Variants in DYM observed in about 807,000 individuals in gnomAD.
DYM encodes the protein dyggve-Melchior-Clausen syndrome protein.
A neutral mutation model predicts 93.1 loss-of-function variants in DYM; 78 were observed. The observed-to-expected ratio is 0.84, with a 90% CI of 0.70 to 1.01. DYM has a LOEUF of 1.01. DYM is among the 50% of genes least tolerant of loss of function. The pLI is 0.00. For missense variants in DYM, 789 were observed against 845.0 expected, an observed-to-expected ratio of 0.93 and a Z score of 0.82; for synonymous variants, 321 against 319.7, an observed-to-expected ratio of 1.00 and a Z score of -0.04.
intron 17 of DYM, among the ~76,000 whole-genome samples, chr18:49,063,643 T>C (rs1599457192): frequency 6.8e-6 from 1 of 147,200 alleles, no homozygotes; most frequent in South Asian, 2.2e-4. Flanking sequence ...TTTTTTTTTT[T>C]TAGACAGAGT....
At chr18:49,457,766 G>A (rs767750670) in intron 1 of DYM, among the ~76,000 whole-genome samples, 32 of 152,188 alleles carry the variant, frequency 2.1e-4, no homozygotes, top group African/African-American at 4.8e-4. Flanking sequence ...TAAGAACCTC[G>A]AGGGGGGATT....
intron 15 of DYM, chr18:49,126,171 A>G (rs2082802017): frequency 6.6e-6 from 1 of 152,226 alleles, no homozygotes; most frequent in Non-Finnish European, 1.5e-5. Context: ...GGGAACAGCC[A>G]GAATTCCTAC....
chr18:49,287,623 G>T (rs1012036438), intron 8 of DYM, among the ~76,000 whole-genome samples: 1 of 151,710 alleles, frequency 6.6e-6, no homozygotes, highest in Non-Finnish European at 1.5e-5. Flanking sequence ...GGTGGCTCAC[G>T]CCTGTAATCC....
chr18:49,317,229 A>G (rs965602547), intron 8 of DYM, among the ~76,000 whole-genome samples: 5 of 152,208 alleles, frequency 3.3e-5, no homozygotes, highest in African/African-American at 9.7e-5. Flanking sequence ...AAGTCTATTA[A>G]TTTTTAAAGT....
At chr18:49,092,669 C>T (rs1190468312) in intron 17 of DYM, among the ~76,000 whole-genome samples, 1 of 152,092 alleles carries the variant, frequency 6.6e-6, no homozygotes, top group Non-Finnish European at 1.5e-5. Context: ...AGATGCTTTG[C>T]TTGTATATTA....
chr18:49,096,518 C>A (rs927927622), intron 17 of DYM, among the ~76,000 whole-genome samples: 8 of 152,070 alleles, frequency 5.3e-5, no homozygotes, highest in African/African-American at 1.9e-4. Flanking sequence ...ACTATGACCT[C>A]CTGTGTTGGT....
At chr18:49,072,201 GT>G (rs2076947541) in intron 17 of DYM, among the ~76,000 whole-genome samples, 3 of 152,140 alleles carry the variant, frequency 2.0e-5, no homozygotes, top group African/African-American at 7.2e-5. Context: ...ACAACTACAT[GT>G]TTCTCTTTAT....
At chr18:49,455,158 A>G (rs2082874614) in intron 1 of DYM, among the ~76,000 whole-genome samples, 1 of 152,226 alleles carries the variant, frequency 6.6e-6, no homozygotes, top group African/African-American at 2.4e-5. Context: ...ACAACTGCAT[A>G]CATCCTCCCT....
chr18:49,189,282 C>T (rs534158019), intron 14 of DYM, among the ~76,000 whole-genome samples: 1 of 152,250 alleles, frequency 6.6e-6, no homozygotes, highest in Admixed American at 6.5e-5. Flanking sequence ...TGTAACAAAC[C>T]TGAATGTATT....
At chr18:49,063,307 C>CTT (rs200482925) in intron 17 of DYM, among the ~76,000 whole-genome samples, 9 of 135,532 alleles carry the variant, frequency 6.6e-5, no homozygotes, top group African/African-American at 1.8e-4. Context: ...GATTTCTTTT[C>CTT]TTTTTTTTTT....
chr18:49,297,395 T>C (rs188698451), intron 8 of DYM, among the ~76,000 whole-genome samples: 45 of 152,298 alleles, frequency 3.0e-4, no homozygotes, highest in Admixed American at 1.8e-3. Flanking sequence ...GAAGTTGGGA[T>C]AGTGATATCC....
intron 13 of DYM, among the ~76,000 whole-genome samples, chr18:49,251,927 G>A (rs2094296740): frequency 6.6e-6 from 1 of 151,962 alleles, no homozygotes; most frequent in Admixed American, 6.6e-5. Context: ...ATAAAGAACT[G>A]CCCGAGGCTT....
intron 16 of DYM, among the ~76,000 whole-genome samples, chr18:49,102,762 T>C (rs2080309258): frequency 6.6e-6 from 1 of 152,348 alleles, no homozygotes; most frequent in African/African-American, 2.4e-5. Flanking sequence ...TTTTTATGGC[T>C]GCATAGTATT....
intron 11 of DYM, among the ~76,000 whole-genome samples, chr18:49,270,737 C>T (rs749689982): frequency 1.3e-5 from 2 of 152,058 alleles, no homozygotes; most frequent in Non-Finnish European, 2.9e-5. Context: ...ATACTCCTTC[C>T]ACAATGGTCA....
chr18:49,298,738 T>G (rs2060716639), intron 8 of DYM, among the ~76,000 whole-genome samples: 1 of 152,160 alleles, frequency 6.6e-6, no homozygotes, highest in African/African-American at 2.4e-5. Context: ...TTTCAGTAAT[T>G]ATGAAGATCG....
intron 1 of DYM, among the ~76,000 whole-genome samples, chr18:49,437,697 A>G (rs557157171): frequency 5.3e-5 from 8 of 152,230 alleles, no homozygotes; most frequent in South Asian, 2.1e-4. Flanking sequence ...AGCAACGCCT[A>G]TTTCTCTACT....
At chr18:49,184,643 G>A (rs1029714964) in intron 14 of DYM, among the ~76,000 whole-genome samples, 1 of 152,066 alleles carries the variant, frequency 6.6e-6, no homozygotes, top group Non-Finnish European at 1.5e-5. Context: ...GTGACTAATG[G>A]GCAGGTCGCA....
At chr18:49,384,578 T>C (rs1396510633) in intron 3 of DYM, among the ~76,000 whole-genome samples, 3 of 149,076 alleles carry the variant, frequency 2.0e-5, no homozygotes, top group Non-Finnish European at 3.0e-5. Context: ...GTGAGCAAGA[T>C]TGCGCCACTG....
At position 49,272,272 on chromosome 18, in the gene DYM, A is replaced by G. The variant is rs761679030; in HGVS notation, c.1157T>C (p.Val386Ala). The change falls in exon 11 of 18, where the codon GTT becomes GCT. Residue 386 changes from valine to alanine, a missense_variant. Physicochemically the swap from Val to Ala is moderately conservative, Grantham distance 64. Around this residue, in one of 3 missense-constraint regions of DYM, gnomAD observed 225 missense variants for 303.0 expected, o/e 0.74. Transcript: ENST00000675505. ...CACATGGTGTGAATTCCTTTCTTCA[A>G]CATGATACAGAATCTCAAGAATTGG... is the stretch of plus-strand genomic sequence containing the variant. ...VLPILEILYHVEERNSHHVYM... is the reference protein window; with the variant it reads ...VLPILEILYHAEERNSHHVYM... The G allele has an allele frequency of 3.0e-5, 47 of 1,570,706 alleles. No individual in the cohort carries two copies. The Middle Eastern group carries it at 6.7e-4, about 22-fold the overall frequency.
Sources: allele counts gnomAD v4.1 joint callset (sites outside exome capture counted in the v4.1 genomes callset), GRCh38; gene constraint gnomAD v4.1.1; regional missense constraint gnomAD v4.1.1; transcripts MANE v1.5; gene names NCBI Gene and HGNC (gene_info 2026-07-23, HGNC 2026-07-21).